The following WDR49 variants were observed in gnomAD, a reference collection of about 807,000 sequenced individuals.
WDR49 encodes the protein cilia- and flagella-associated protein 337.
Under a neutral mutation model 119.5 loss-of-function variants are expected in WDR49, and 107 were observed. The ratio of observed to expected loss-of-function variants is 0.90; its 90% CI spans 0.77 to 1.05. The LOEUF is 1.05. WDR49 is among the 50% of genes least tolerant of loss of function. The pLI, the probability that WDR49 is intolerant of heterozygous loss-of-function variation, is 0.00. For missense variants in WDR49, 1,240 were observed against 1,220.5 expected, an observed-to-expected ratio of 1.02 and a Z score of -0.24; for synonymous variants, 425 against 418.8, an observed-to-expected ratio of 1.01 and a Z score of -0.18.
Position 167,527,932 on chromosome 3 carries a change from C to A in WDR49, c.2492G>T (p.Ser831Ile), listed in dbSNP as rs1278115179. ...ACCTGGCTCACACATCTCTAAGGAACTTATTCGGTCCTCATGAGGTTGGAA... is the reference window on the plus strand; with the variant it reads ...ACCTGGCTCACACATCTCTAAGGAAATTATTCGGTCCTCATGAGGTTGGAA... ...RSFQPHEDRI[S>I]SLEMCEPGGQ... The change falls in exon 15 of 19, where the codon AGT becomes ATT. Residue 831 changes from serine (S) to isoleucine (I), a missense_variant. Coordinates refer to ENST00000682715, the MANE Select transcript of WDR49 (RefSeq NM_001366157.1). The A allele has an allele frequency of 1.1e-5, 17 of 1,613,200 alleles. No homozygotes were observed. Among genetic ancestry groups the A allele is most frequent in the Non-Finnish European group, 1.3e-5 (15 of 1,179,598 alleles).
intron 7 of WDR49, among the ~76,000 whole-genome samples, chr3:167,589,192 C>T (rs1199944350): frequency 6.6e-6 from 1 of 152,116 alleles, no homozygotes; most frequent in Non-Finnish European, 1.5e-5. Flanking sequence ...ATTGAAGAAA[C>T]TGTCTTTTCC....
At chr3:167,598,129 C>A (rs1176186468) in intron 7 of WDR49, among the ~76,000 whole-genome samples, 1 of 151,802 alleles carries the variant, frequency 6.6e-6, no homozygotes, top group Non-Finnish European at 1.5e-5. Context: ...ACATGGTGAA[C>A]CCTGTCTTTA....
chr3:167,637,200 C>T (rs568618205), intron 2 of WDR49, among the ~76,000 whole-genome samples: 1 of 151,808 alleles, frequency 6.6e-6, no homozygotes, highest in Non-Finnish European at 1.5e-5. Context: ...CAGTTTCATT[C>T]TCCTACATGT....
intron 16 of WDR49, among the ~76,000 whole-genome samples, chr3:167,519,983 C>T (rs1461088217): frequency 6.6e-6 from 1 of 151,902 alleles, no homozygotes; most frequent in African/African-American, 2.4e-5. Flanking sequence ...TCTGTAATCC[C>T]AGCACTTTGG....
chr3:167,484,689 C>CA lies in WDR49; in HGVS notation c.3032-5694dup, dbSNP rs11354730. Among the ~76,000 whole-genome samples the CA allele has an allele frequency of 3.8e-3, 458 of 119,352 alleles. 1 individual carries two copies. Among genetic ancestry groups the CA allele is most frequent in the South Asian group, 0.032 (116 of 3,664 alleles). The allele number at this position is 119,352 out of a possible 152,430, so 78.3% of individuals were successfully genotyped here. A position where few individuals can be genotyped will look rare whatever the true frequency, so the allele number is the denominator to read the frequency against. On this transcript the variant is annotated intron_variant, in intron 18 of 18. Transcript: ENST00000682715. ...GAAGTACACTATCACAGGATGATGG[C>CA]AAAAAAAAAAAAAAAAAGTGATGTG...
intron 7 of WDR49, among the ~76,000 whole-genome samples, chr3:167,587,898 T>A (rs1357556315): frequency 6.6e-6 from 1 of 152,218 alleles, no homozygotes; most frequent in Non-Finnish European, 1.5e-5. Context: ...AATAATCACA[T>A]CAGGGTAAAT....
chr3:167,504,224 A>G lies in WDR49; in HGVS notation c.2884+1083T>C, dbSNP rs576524829. ...AATGGTAGATTCACTGGCAGCTTGCATCCTGTGCCTGAAGAAGCTACAGGC... is the reference window on the plus strand; with the variant it reads ...AATGGTAGATTCACTGGCAGCTTGCGTCCTGTGCCTGAAGAAGCTACAGGC... On this transcript the variant is annotated intron_variant, in intron 17 of 18. Transcript: ENST00000682715. Among the ~76,000 whole-genome samples, 8 of 152,288 alleles carry G rather than the reference A, an allele frequency of 5.3e-5. No individual in the cohort carries two copies. In the South Asian group the frequency reaches 1.7e-3, roughly 32 times the overall value.
intron 7 of WDR49, among the ~76,000 whole-genome samples, chr3:167,585,674 C>A (rs1187489291): frequency 6.6e-6 from 1 of 151,318 alleles, no homozygotes; most frequent in African/African-American, 2.4e-5. Flanking sequence ...TAAATACTAC[C>A]CTGTATTTGT....
intron 17 of WDR49, among the ~76,000 whole-genome samples, chr3:167,503,180 T>C (rs986870218): frequency 6.6e-6 from 1 of 152,188 alleles, no homozygotes; most frequent in African/African-American, 2.4e-5. Context: ...TTCCACGTGG[T>C]GTTAAGCCTG....
intron 9 of WDR49, among the ~76,000 whole-genome samples, chr3:167,555,996 T>G (rs186026719): frequency 1.3e-5 from 2 of 152,284 alleles, no homozygotes; most frequent in African/African-American, 2.4e-5. Context: ...AACACAATGG[T>G]AAGTATTTGC....
intron 10 of WDR49, among the ~76,000 whole-genome samples, chr3:167,550,466 G>A (rs975179565): frequency 1.3e-5 from 2 of 151,978 alleles, no homozygotes; most frequent in Non-Finnish European, 2.9e-5. Context: ...ATGGTGAATG[G>A]GAGTTCACTC....
chr3:167,526,222 A>C (rs1165388435), intron 15 of WDR49, among the ~76,000 whole-genome samples: 1 of 152,134 alleles, frequency 6.6e-6, no homozygotes, highest in Non-Finnish European at 1.5e-5. Flanking sequence ...ACAACAAATA[A>C]TATCAATAAT....
chr3:167,508,059 T>G lies in WDR49; in HGVS notation c.2775-2643A>C, dbSNP rs181126995. Among the ~76,000 whole-genome samples the G allele has an allele frequency of 1.0e-3, 154 of 152,286 alleles. No homozygotes were observed. The Middle Eastern group carries it at 0.014, about 13-fold the overall frequency. The stretch of plus-strand genomic sequence containing the variant: ...TGGGATCCACCAGCTTTGGCATCAA[T>G]CCTATGAGGAGGAAAGGCTCTAACT... On this transcript the variant is annotated intron_variant, in intron 16 of 18. Coordinates refer to ENST00000682715, the MANE Select transcript of WDR49 (RefSeq NM_001366157.1).
At chr3:167,590,408 G>A (rs183382676) in intron 7 of WDR49, among the ~76,000 whole-genome samples, 18 of 152,144 alleles carry the variant, frequency 1.2e-4, no homozygotes, top group African/African-American at 4.3e-4. Context: ...GGGTAATAAT[G>A]GTTTTGTAGA....
chr3:167,614,340 C>A (rs906968667), intron 5 of WDR49, among the ~76,000 whole-genome samples: 3 of 152,152 alleles, frequency 2.0e-5, no homozygotes, highest in Admixed American at 1.3e-4. Flanking sequence ...CTCAGGTGAT[C>A]CGCCCACCTC....
At chr3:167,616,908 G>A (rs1716622457) in intron 5 of WDR49, among the ~76,000 whole-genome samples, 1 of 152,128 alleles carries the variant, frequency 6.6e-6, no homozygotes, top group South Asian at 2.1e-4. Flanking sequence ...GCCCCAAGAA[G>A]GACGTTTTAA....
At chr3:167,652,924 A>T (rs1051846093) in intron 2 of WDR49, among the ~76,000 whole-genome samples, 1 of 152,170 alleles carries the variant, frequency 6.6e-6, no homozygotes, top group East Asian at 1.9e-4. Flanking sequence ...CACCTTAGAG[A>T]TCTGGCTTTC....
rs201129609 is a variant in WDR49, at chr3:167,554,639, C to G, written c.1823+11G>C. The G allele has an allele frequency of 1.4e-6, 2 of 1,418,532 alleles. No homozygotes were observed. Among genetic ancestry groups the G allele is most frequent in the East Asian group, 4.7e-5 (2 of 42,860 alleles). The allele number at this position is 1,418,532 out of a possible 1,614,324, so 87.9% of individuals were successfully genotyped here. ...AGATTTTGATTAAAATAAAAACATT[C>G]TCCTTTTTACCTTCCTATAGTTTTC... On this transcript the variant is annotated intron_variant, in intron 10 of 18. Coordinates refer to ENST00000682715, the MANE Select transcript of WDR49 (RefSeq NM_001366157.1).
At chr3:167,602,415 T>G in intron 6 of WDR49, 140 bp from the exon 7 acceptor site, 1 of 697,746 alleles carries the variant, frequency 1.4e-6, no homozygotes, top group East Asian at 2.8e-5. Context: ...GTTTTGCCAT[T>G]GTCTAACTAG....
Sources: allele counts gnomAD v4.1 joint callset (sites outside exome capture counted in the v4.1 genomes callset), GRCh38; gene constraint gnomAD v4.1.1; transcripts MANE v1.5; gene names NCBI Gene and HGNC (gene_info 2026-07-23, HGNC 2026-07-21).